CNBD1: variants seen among roughly 807,000 people sequenced by gnomAD.
CNBD1 encodes the protein cyclic nucleotide-binding domain-containing protein 1.
In CNBD1, 71 loss-of-function variants were observed where a neutral mutation model predicts 54.4. That is an observed-to-expected ratio of 1.30 (90% CI 1.08 to 1.59). CNBD1 has a LOEUF of 1.59. CNBD1 is among the 40% of genes most tolerant of loss of function. CNBD1 has a pLI of 0.00. For synonymous variants in CNBD1, 182 were observed against 170.7 expected, an observed-to-expected ratio of 1.07 and a Z score of -0.51; for missense variants, 659 against 518.0, an observed-to-expected ratio of 1.27 and a Z score of -2.64.
At position 87,247,760 on chromosome 8, in the gene CNBD1, C is replaced by T. The variant is rs140718285; in HGVS notation, c.771+10648C>T. ...CTGCATCCATTTCCTCATAGAGTTA[C>T]GTGAACAGATGTGAGTTAAGGGCAT... On this transcript the variant is annotated intron_variant, in intron 6 of 10. Coordinates refer to ENST00000518476, the MANE Select transcript of CNBD1 (RefSeq NM_173538.3). Among the ~76,000 whole-genome samples the T allele has an allele frequency of 7.2e-5, 11 of 152,292 alleles. No individual in the cohort carries two copies. The East Asian group carries it at 7.7e-4, about 11-fold the overall frequency.
intron 4 of CNBD1, among the ~76,000 whole-genome samples, chr8:87,051,433 GAC>G (rs747999650): frequency 2.6e-5 from 4 of 152,138 alleles, no homozygotes; most frequent in Admixed American, 1.3e-4. Context: ...AGGAATTAAA[GAC>G]ACACACACAG....
chr8:86,888,370 T>C (rs961891893), intron 2 of CNBD1, among the ~76,000 whole-genome samples: 12 of 152,176 alleles, frequency 7.9e-5, no homozygotes, highest in Non-Finnish European at 1.5e-5. Flanking sequence ...GGGATCATTT[T>C]CCCCTGTGCA....
In CNBD1 at chr8:87,050,551, G is replaced by C. The variant is rs1810290378; in HGVS notation, c.431+110797G>C. The stretch of plus-strand genomic sequence containing the variant: ...GTCTCAGAATCCTTGAGGCAGCACT[G>C]TCCAGGTTAGTTGGGCAGTCTGGCC... On this transcript the variant is annotated intron_variant, in intron 4 of 10. Coordinates refer to ENST00000518476, the MANE Select transcript of CNBD1 (RefSeq NM_173538.3). 5.9e-5 allele frequency among the ~76,000 whole-genome samples: 9 copies of C among 152,184 alleles called. No homozygotes were observed. In the South Asian group the frequency reaches 1.9e-3, roughly 32 times the overall value.
chr8:87,154,889 A>C (rs149523947), intron 4 of CNBD1, among the ~76,000 whole-genome samples: 6 of 152,080 alleles, frequency 3.9e-5, no homozygotes, highest in African/African-American at 7.2e-5. Flanking sequence ...GGCACATCCA[A>C]CTTTACTCAC....
At chr8:87,106,807 C>T (rs1014686226) in intron 4 of CNBD1, among the ~76,000 whole-genome samples, 2 of 152,050 alleles carry the variant, frequency 1.3e-5, no homozygotes, top group Admixed American at 1.3e-4. Flanking sequence ...CTACTCCATC[C>T]TGGGCTGCTT....
intron 4 of CNBD1, among the ~76,000 whole-genome samples, chr8:87,199,334 A>C (rs1054617089): frequency 6.6e-6 from 1 of 152,220 alleles, no homozygotes; most frequent in Non-Finnish European, 1.5e-5. Flanking sequence ...TCAACAACAG[A>C]TTTGAGTTGC....
chr8:86,965,797 C>T (rs1486201537), intron 4 of CNBD1, among the ~76,000 whole-genome samples: 1 of 152,072 alleles, frequency 6.6e-6, no homozygotes, highest in Non-Finnish European at 1.5e-5. Flanking sequence ...TTGAGTGTTC[C>T]AACAGCTCAG....
At chr8:87,405,141 C>G (rs1347225288) in intron 2 of CNBD1, among the ~76,000 whole-genome samples, 1 of 151,886 alleles carries the variant, frequency 6.6e-6, no homozygotes. Context: ...TATACTCAAC[C>G]ATTGTTACAA....
At chr8:86,959,060 T>C (rs1447227273) in intron 4 of CNBD1, among the ~76,000 whole-genome samples, 1 of 152,230 alleles carries the variant, frequency 6.6e-6, no homozygotes, top group Admixed American at 6.5e-5. Context: ...ACAGAATCTC[T>C]CTGCATTTGT....
intron 1 of CNBD1, among the ~76,000 whole-genome samples, chr8:86,867,470 T>A (rs1182757392): frequency 2.0e-5 from 3 of 152,174 alleles, no homozygotes; most frequent in African/African-American, 4.8e-5. Flanking sequence ...TTTTAAAAAA[T>A]TAATGCTCAT....
chr8:86,929,797 C>A (rs1017388197), intron 3 of CNBD1, among the ~76,000 whole-genome samples: 1 of 152,070 alleles, frequency 6.6e-6, no homozygotes, highest in African/African-American at 2.4e-5. Flanking sequence ...ATTTTGATAG[C>A]CTTTGATACT....
chr8:87,155,225 T>C (rs1353771603), intron 4 of CNBD1, among the ~76,000 whole-genome samples: 1 of 152,222 alleles, frequency 6.6e-6, no homozygotes, highest in Non-Finnish European at 1.5e-5. Context: ...CAACATTTTT[T>C]ATAGGCAAGG....
downstream of CNBD1, among the ~76,000 whole-genome samples, chr8:87,383,842 T>G (rs74402754): frequency 6.6e-6 from 1 of 152,258 alleles, no homozygotes; most frequent in African/African-American, 2.4e-5. Flanking sequence ...CTCCAAATCA[T>G]GTAGAGTTAA....
chr8:87,412,789 T>A (rs955335707), intron 2 of CNBD1, among the ~76,000 whole-genome samples: 1 of 150,744 alleles, frequency 6.6e-6, no homozygotes, highest in Non-Finnish European at 1.5e-5. Flanking sequence ...AGGGGAAACA[T>A]CAAGAAGAGG....
intron 10 of CNBD1, among the ~76,000 whole-genome samples, chr8:87,355,537 A>G (rs754103871): frequency 6.6e-6 from 1 of 152,204 alleles, no homozygotes; most frequent in Admixed American, 6.5e-5. Context: ...AAATACTCAA[A>G]TTGGAAATAC....
intron 8 of CNBD1, among the ~76,000 whole-genome samples, chr8:87,337,779 C>T (rs562513231): frequency 7.2e-5 from 11 of 152,282 alleles, no homozygotes; most frequent in Admixed American, 6.5e-4. Context: ...TCTTCCTCTT[C>T]GTGGATCATG....
intron 4 of CNBD1, among the ~76,000 whole-genome samples, chr8:86,993,409 C>T (rs926931914): frequency 6.6e-6 from 1 of 152,108 alleles, no homozygotes; most frequent in African/African-American, 2.4e-5. Context: ...TCTCTTGAAT[C>T]TCAATGGGCT....
At chr8:87,022,642 A>G (rs568029578) in intron 4 of CNBD1, among the ~76,000 whole-genome samples, 2 of 152,304 alleles carry the variant, frequency 1.3e-5, no homozygotes, top group East Asian at 1.9e-4. Flanking sequence ...CAAATTTCCA[A>G]TTGCGTACAC....
chr8:86,880,240 TATTGTC>T (rs1055407884), intron 1 of CNBD1, among the ~76,000 whole-genome samples: 33 of 147,844 alleles, frequency 2.2e-4, no homozygotes, highest in African/African-American at 6.5e-4. Flanking sequence ...TAACGATCCT[TATTGTC>T]ATTGGGATTA....
Sources: allele counts gnomAD v4.1 joint callset (sites outside exome capture counted in the v4.1 genomes callset), GRCh38; gene constraint gnomAD v4.1.1; transcripts MANE v1.5; gene names NCBI Gene and HGNC (gene_info 2026-07-23, HGNC 2026-07-21).